Variants in PARD3B observed in about 807,000 individuals in gnomAD.
PARD3B encodes par-3 family cell polarity regulator beta, also known as partitioning defective 3 homolog B.
PARD3B carries 103 observed loss-of-function variants against 130.2 expected under a neutral mutation model. The ratio of observed to expected loss-of-function variants is 0.79; its 90% CI spans 0.67 to 0.93. PARD3B has a LOEUF of 0.93. PARD3B is among the 40% of genes least tolerant of loss of function. The pLI, the probability that PARD3B is intolerant of heterozygous loss-of-function variation, is 0.00. For missense variants in PARD3B, 1,609 were observed against 1,499.2 expected (o/e 1.07, Z -1.21); for synonymous variants, 583 against 553.2 (o/e 1.05, Z -0.76).
chr2:204,580,151 A>G (rs2032477197), intron 1 of PARD3B, among the ~76,000 whole-genome samples: 1 of 152,222 alleles, frequency 6.6e-6, no homozygotes, highest in Non-Finnish European at 1.5e-5. Flanking sequence ...CAGTAAGTAT[A>G]GCTGTGGATG....
intron 21 of PARD3B, among the ~76,000 whole-genome samples, chr2:205,521,665 T>G (rs1267004473): frequency 6.6e-6 from 1 of 152,158 alleles, no homozygotes; most frequent in African/African-American, 2.4e-5. Flanking sequence ...TGTTTTGTCC[T>G]TTAGAGAGAC....
intron 1 of PARD3B, among the ~76,000 whole-genome samples, chr2:204,640,410 A>G (rs1193365373): frequency 3.4e-5 from 5 of 146,202 alleles, no homozygotes; most frequent in Non-Finnish European, 7.4e-5. Context: ...ACATAGGACA[A>G]TGGGGGAGAG....
At chr2:205,240,754 C>T (rs2039316296) in intron 15 of PARD3B, among the ~76,000 whole-genome samples, 1 of 152,110 alleles carries the variant, frequency 6.6e-6, no homozygotes, top group Admixed American at 6.5e-5. Context: ...CCCTAATAGT[C>T]ACTTATGTTA....
intron 4 of PARD3B, among the ~76,000 whole-genome samples, chr2:205,072,441 G>T (rs1437213424): frequency 6.6e-6 from 1 of 151,886 alleles, no homozygotes; most frequent in Non-Finnish European, 1.5e-5. Context: ...GGTAGAGACG[G>T]GGTTTCACCA....
chr2:205,398,188 C>T (rs2046100399), intron 18 of PARD3B, among the ~76,000 whole-genome samples: 2 of 152,020 alleles, frequency 1.3e-5, no homozygotes, highest in Admixed American at 6.5e-5. Flanking sequence ...GTAATCTCAG[C>T]TACTTGGGAG....
Position 205,170,283 on chromosome 2 carries a change from G to A in PARD3B, c.1621-1928G>A, listed in dbSNP as rs575563004. 1.1e-4 allele frequency among the ~76,000 whole-genome samples: 17 copies of A among 152,220 alleles called. 1 individual carries two copies. The highest frequency in any genetic ancestry group is 4.1e-4 in the African/African-American group (17 of 41,516). ...GCTTTTTTGTGCCTCACTCAAAATT[G>A]GATAACAGAAATGAAGAGATTTCTT... On this transcript the variant is annotated intron_variant, in intron 11 of 22. Transcript: ENST00000406610.
rs531789392 is a variant in PARD3B, at chr2:205,055,268, A to T, written c.504+7578A>T. Among the ~76,000 whole-genome samples, 82 of 152,340 alleles carry T rather than the reference A, an allele frequency of 5.4e-4. 1 individual carries two copies. The South Asian group carries it at 0.014, about 25-fold the overall frequency. On this transcript the variant is annotated intron_variant, in intron 4 of 22. Coordinates refer to ENST00000406610, the MANE Select transcript of PARD3B (RefSeq NM_001302769.2). ...CTGGATAATTTCTTATATCCATTAC[A>T]TCTAAAGATTTCTCCTTCTAAATTT...
chr2:204,763,437 C>T (rs563105468), intron 2 of PARD3B, among the ~76,000 whole-genome samples: 21 of 149,666 alleles, frequency 1.4e-4, no homozygotes, highest in South Asian at 4.2e-4. Context: ...AATTAGCTTC[C>T]TGGCTGGATT....
chr2:205,279,769 C>A (rs187492571), intron 16 of PARD3B, among the ~76,000 whole-genome samples: 2 of 152,162 alleles, frequency 1.3e-5, no homozygotes, highest in East Asian at 3.9e-4. Context: ...AAATGAACCC[C>A]CTCTTGGTAA....
rs1490355416 is a variant in PARD3B, at chr2:205,585,140, C to T, written c.3261-30316C>T. Among the ~76,000 whole-genome samples, 1 of 152,186 alleles carries T rather than the reference C, an allele frequency of 6.6e-6. No homozygotes were observed. Among genetic ancestry groups the T allele is most frequent in the African/African-American group, 2.4e-5 (1 of 41,440 alleles). On this transcript the variant is annotated intron_variant, in intron 22 of 22. Coordinates refer to ENST00000406610, the MANE Select transcript of PARD3B (RefSeq NM_001302769.2). The surrounding 1 kb of genome is among the most constrained non-coding windows in gnomAD (Gnocchi z 5.4). ...ACCCCACAGCCTTGGAATGATTGCTCACTCCTTTCTGGCTTAGTCTTTTTT... is the reference window on the plus strand; with the variant it reads ...ACCCCACAGCCTTGGAATGATTGCTTACTCCTTTCTGGCTTAGTCTTTTTT...
chr2:204,959,257 G>T (rs1682567660), intron 2 of PARD3B, among the ~76,000 whole-genome samples: 1 of 152,034 alleles, frequency 6.6e-6, no homozygotes, highest in Non-Finnish European at 1.5e-5. Context: ...TGTTAGTTTG[G>T]TAAGGATGAT....
intron 1 of PARD3B, among the ~76,000 whole-genome samples, chr2:204,614,524 C>G (rs1016735925): frequency 6.6e-6 from 1 of 152,152 alleles, no homozygotes; most frequent in Non-Finnish European, 1.5e-5. Context: ...AAAATAGTCA[C>G]TTCATTTTAA....
At chr2:204,904,271 TC>T (rs2046968557) in intron 2 of PARD3B, among the ~76,000 whole-genome samples, 1 of 152,222 alleles carries the variant, frequency 6.6e-6, no homozygotes, top group Non-Finnish European at 1.5e-5. Flanking sequence ...TTCAACATAA[TC>T]ACTGTTAAGC....
rs149458868 is a variant in PARD3B, at chr2:204,552,196, C to G, written c.120+6077C>G. Among the ~76,000 whole-genome samples, 540 of 152,300 alleles carry G rather than the reference C, an allele frequency of 3.5e-3. 9 individuals carry two copies. The highest frequency in any genetic ancestry group is 1.3e-3 in the Non-Finnish European group (86 of 68,034). The stretch of plus-strand genomic sequence containing the variant: ...CTTAACTTGACATTGCTACTCAGTT[C>G]TGTTGAGAACTTTGCCATCAGAAAG... On this transcript the variant is annotated intron_variant, in intron 1 of 22. Transcript: ENST00000406610.
intron 15 of PARD3B, among the ~76,000 whole-genome samples, chr2:205,234,997 A>G (rs532614784): frequency 2.5e-4 from 38 of 152,380 alleles, no homozygotes; most frequent in South Asian, 8.3e-4. Context: ...ACATGAAAAT[A>G]AAAACACTTC....
chr2:205,084,505 C>T (rs1009027389), intron 4 of PARD3B, among the ~76,000 whole-genome samples: 2 of 152,064 alleles, frequency 1.3e-5, no homozygotes, highest in African/African-American at 2.4e-5. Flanking sequence ...AATTCACCAT[C>T]ACTCTTTCAT....
chr2:205,096,280 C>T (rs774471131), intron 4 of PARD3B, among the ~76,000 whole-genome samples: 1 of 151,964 alleles, frequency 6.6e-6, no homozygotes, highest in Non-Finnish European at 1.5e-5. Context: ...GAAGTGAGGG[C>T]CAGGAGGTGA....
chr2:205,082,395 A>G (rs2125515474), intron 4 of PARD3B, among the ~76,000 whole-genome samples: 1 of 152,330 alleles, frequency 6.6e-6, no homozygotes, highest in South Asian at 2.1e-4. Context: ...TAGAACAATT[A>G]TAGCAATGTG....
chr2:205,216,627 A>G (rs1190928406), intron 15 of PARD3B, among the ~76,000 whole-genome samples: 2 of 152,178 alleles, frequency 1.3e-5, no homozygotes, highest in African/African-American at 2.4e-5. Flanking sequence ...GGTATGAAGT[A>G]TGTTTAATGC....
Sources: allele counts gnomAD v4.1 joint callset (sites outside exome capture counted in the v4.1 genomes callset), GRCh38; gene constraint gnomAD v4.1.1; non-coding constraint Gnocchi (gnomAD v3.1); transcripts MANE v1.5; gene names NCBI Gene and HGNC (gene_info 2026-07-23, HGNC 2026-07-21).